Variants in BBC3 observed in about 807,000 individuals in gnomAD.
BBC3 encodes bcl-2-binding component 3.
In BBC3, 5 loss-of-function variants were observed where a neutral mutation model predicts 18.2. The ratio of observed to expected loss-of-function variants is 0.27; its 90% CI spans 0.14 to 0.58. BBC3 has a LOEUF of 0.58. Ranked by LOEUF, BBC3 falls within the 20% of genes least tolerant of loss-of-function variation. The probability of loss-of-function intolerance (pLI) is 0.91; values close to 1 mark genes in which losing one functional copy is unlikely to be tolerated. For synonymous variants in BBC3, 119 were observed against 128.0 expected (o/e 0.93, Z 0.47); for missense variants, 224 against 268.9 (o/e 0.83, Z 1.17).
At chr19:47,229,429 C>T (rs147217068) in intron 1 of BBC3, among the ~76,000 whole-genome samples, 10 of 151,860 alleles carry the variant, frequency 6.6e-5, no homozygotes, top group African/African-American at 2.4e-4. Context: ...CACCAACCCA[C>T]CCTCCTCACG....
Position 47,224,164 on chromosome 19 carries a change from A to G in BBC3, c.466-2246T>C, listed in dbSNP as rs376691855. On this transcript the variant is annotated intron_variant, in intron 3 of 3. Transcript: ENST00000439096. ...ACAAAAATTAGCTGGGCATGGTGGC[A>G]GGCATCTGTAATCTCAGCTACTTGG... Among the ~76,000 whole-genome samples the G allele has an allele frequency of 2.0e-5, 3 of 152,174 alleles. 1 individual carries two copies. Among genetic ancestry groups the G allele is most frequent in the South Asian group, 4.2e-4 (2 of 4,818 alleles).
Position 47,228,297 on chromosome 19 carries a change from A to T in BBC3, c.135T>A (p.Ala45=). 2 of 1,220,880 alleles carry T rather than the reference A, an allele frequency of 1.6e-6. No homozygotes were observed. The highest frequency in any genetic ancestry group is 2.0e-6 in the Non-Finnish European group (2 of 981,204). The allele number at this position is 1,220,880 out of a possible 1,614,324, so 75.6% of individuals were successfully genotyped here. A position where few individuals can be genotyped will look rare whatever the true frequency, so the allele number is the denominator to read the frequency against. The change falls in exon 2 of 4, where the codon GCT becomes GCA. Residue 45 remains alanine (A), a synonymous_variant. Transcript: ENST00000439096. This position sits in a 1 kb window ranked among gnomAD's most constrained non-coding sequence, Gnocchi z 5.5. ...VSCGLCEPGL[A]AAPAAPTLLP... is the part of the protein sequence containing the mutation. ...GCAGGGTGGGGGCGGCGGGGGCGGC[A>T]GCCAGGCCGGGCTCGCAGAGGCCGC... is the stretch of plus-strand genomic sequence containing the variant.
chr19:47,222,840 C>G (rs1240183044), intron 3 of BBC3, among the ~76,000 whole-genome samples: 1 of 151,776 alleles, frequency 6.6e-6, no homozygotes, highest in East Asian at 1.9e-4. Context: ...TGGCACATGT[C>G]TGTAATCCCA....
Position 47,221,632 on chromosome 19 carries a change from G to C in BBC3, c.*170C>G. ...TCCGCATCTCCGTCAGTGCACCCCAGGCTGGGCTGGGGCTGGAGTGGCTGC... is the reference window on the plus strand; with the variant it reads ...TCCGCATCTCCGTCAGTGCACCCCACGCTGGGCTGGGGCTGGAGTGGCTGC... On this transcript the variant is annotated 3_prime_UTR_variant, in exon 4 of 4. Transcript: ENST00000439096. 1 of 1,395,922 alleles carries C rather than the reference G, an allele frequency of 7.2e-7. No individual in the cohort carries two copies. The highest frequency in any genetic ancestry group is 2.5e-5 in the East Asian group (1 of 39,382). The allele number at this position is 1,395,922 out of a possible 1,614,324, so 86.5% of individuals were successfully genotyped here.
Position 47,228,997 on chromosome 19 carries a change from C to G in BBC3, c.-15-551G>C, listed in dbSNP as rs144561002. Among the ~76,000 whole-genome samples the G allele has an allele frequency of 6.6e-6, 1 of 152,136 alleles. No individual in the cohort carries two copies. The highest frequency in any genetic ancestry group is 1.9e-4 in the East Asian group (1 of 5,182). ...ACATCACTACTCAGTACACACAATACACACACACCCCCGACCAAAGCAGGA... is the reference window on the plus strand; with the variant it reads ...ACATCACTACTCAGTACACACAATAGACACACACCCCCGACCAAAGCAGGA... On this transcript the variant is annotated intron_variant, in intron 1 of 3. Coordinates refer to ENST00000439096, the MANE Select transcript of BBC3 (RefSeq NM_014417.5). The surrounding 1 kb of genome is among the most constrained non-coding windows in gnomAD (Gnocchi z 5.5).
At position 47,221,606 on chromosome 19, in the gene BBC3, G is replaced by A. The variant is rs1200156790; in HGVS notation, c.*196C>T. ...TGGCTTCTTGGCCAGGGACCCAGGA[G>A]TCCGCATCTCCGTCAGTGCACCCCA... On this transcript the variant is annotated 3_prime_UTR_variant, in exon 4 of 4. Coordinates refer to ENST00000439096, the MANE Select transcript of BBC3 (RefSeq NM_014417.5). 3 of 1,149,834 alleles carry A rather than the reference G, an allele frequency of 2.6e-6. No homozygotes were observed. The highest frequency in any genetic ancestry group is 3.6e-6 in the Non-Finnish European group (3 of 826,348). The allele number at this position is 1,149,834 out of a possible 1,614,324, so 71.2% of individuals were successfully genotyped here. A position where few individuals can be genotyped will look rare whatever the true frequency, so the allele number is the denominator to read the frequency against.
chr19:47,221,811 C>A lies in BBC3; in HGVS notation c.573G>T (p.Glu191Asp). Residue 191 changes from glutamate to aspartate, a missense_variant, in exon 4 of 4, where the codon GAG becomes GAT. By Grantham distance (45) the Glu-to-Asp change is conservative. Transcript: ENST00000439096. ...GGGCGGGTGCAGGCACCTAATTGGG[C>A]TCCATCTCGGGGGCTCTGTGGCCCC... ...LPRGHRAPEM[E>D]PN 1.2e-6 allele frequency: 2 copies of A among 1,613,208 alleles called. No individual in the cohort carries two copies. The highest frequency in any genetic ancestry group is 1.7e-6 in the Non-Finnish European group (2 of 1,179,666).
rs1011328410 is a variant in BBC3, at chr19:47,231,168, C to T, written c.-255G>A. The T allele has an allele frequency of 6.1e-6, 6 of 983,168 alleles. No homozygotes were observed. Among genetic ancestry groups the T allele is most frequent in the Non-Finnish European group, 7.2e-6 (6 of 829,620 alleles). 60.9% of individuals were successfully genotyped at this position (983,168 alleles called of 1,614,324 possible). ...TGGTGCCGCCGCCGCCGCCGCCAGG[C>T]GCCCGCTCGCATGTGGCTCGCGCCG... On this transcript the variant is annotated 5_prime_UTR_variant, in exon 1 of 4. Coordinates refer to ENST00000439096, the MANE Select transcript of BBC3 (RefSeq NM_014417.5). The surrounding 1 kb of genome is among the most constrained non-coding windows in gnomAD (Gnocchi z 4.0).
At chr19:47,226,789 C>T in intron 2 of BBC3, 35 bp from the exon 3 acceptor site, 1 of 1,370,328 alleles carries the variant, frequency 7.3e-7, no homozygotes, top group Non-Finnish European at 9.4e-7. Flanking sequence ...CAGCACCCAC[C>T]ACCCCTCCAG....
At position 47,221,671 on chromosome 19, in the gene BBC3, C is replaced by T. The variant is rs762694025; in HGVS notation, c.*131G>A. 4.4e-5 allele frequency: 67 copies of T among 1,528,358 alleles called. 1 individual carries two copies. Among genetic ancestry groups the T allele is most frequent in the South Asian group, 4.0e-4 (33 of 82,110 alleles). The allele number at this position is 1,528,358 out of a possible 1,614,324, so 94.7% of individuals were successfully genotyped here. ...TGGAGTGGCTGCCCCGGCCCGCCCC[C>T]GGGACAGGCAGGGCTGGGAGTCCAG... On this transcript the variant is annotated 3_prime_UTR_variant, in exon 4 of 4. Coordinates refer to ENST00000439096, the MANE Select transcript of BBC3 (RefSeq NM_014417.5).
At chr19:47,231,275 C>G, upstream of BBC3, 1 of 848,622 alleles carries the variant, frequency 1.2e-6, no homozygotes, top group Non-Finnish European at 1.4e-6. The surrounding 1 kb of genome is among the most constrained non-coding windows in gnomAD (Gnocchi z 4.0). Context: ...CGGCGGGTCC[C>G]ACGCCCCGCC....
chr19:47,227,000 A>G, intron 2 of BBC3: 1 of 382,076 alleles, frequency 2.6e-6, no homozygotes. Flanking sequence ...TGGAAGGTAG[A>G]CGGCCAGAGA....
chr19:47,223,184 T>C (rs1296218484), intron 3 of BBC3, among the ~76,000 whole-genome samples: 1 of 151,170 alleles, frequency 6.6e-6, no homozygotes. Flanking sequence ...GGCAGGAGAA[T>C]GGCGTGAACC....
chr19:47,229,013 C>G (rs1242930426), intron 1 of BBC3, among the ~76,000 whole-genome samples: 1 of 152,044 alleles, frequency 6.6e-6, no homozygotes, highest in African/African-American at 2.4e-5. Context: ...CACCCCCGAC[C>G]AAAGCAGGAG....
intron 3 of BBC3, 55 bp downstream of exon 3, chr19:47,226,509 G>C (rs1371077731): frequency 4.1e-6 from 6 of 1,461,150 alleles, no homozygotes; most frequent in Non-Finnish European, 5.5e-6. Flanking sequence ...GCCGCCTGCC[G>C]CCCCCTCCTC....
chr19:47,227,164 C>G (rs1350200547), intron 2 of BBC3: 1 of 158,884 alleles, frequency 6.3e-6, no homozygotes, highest in Non-Finnish European at 1.4e-5. Context: ...ACCCAGATCA[C>G]AAGCCTCAGG....
At chr19:47,226,306 C>A (rs947181482) in intron 3 of BBC3, among the ~76,000 whole-genome samples, 1 of 151,718 alleles carries the variant, frequency 6.6e-6, no homozygotes, top group Non-Finnish European at 1.5e-5. Context: ...GGGCGCGCAG[C>A]TCCACTCCTC....
At chr19:47,229,366 C>T (rs562038642) in intron 1 of BBC3, among the ~76,000 whole-genome samples, 28 of 152,030 alleles carry the variant, frequency 1.8e-4, no homozygotes, top group African/African-American at 6.5e-4. Context: ...TCAGGACACA[C>T]GTAGATCAGG....
In BBC3 at chr19:47,221,680, C is replaced by A. The variant is rs766332694; in HGVS notation, c.*122G>T. On this transcript the variant is annotated 3_prime_UTR_variant, in exon 4 of 4. Transcript: ENST00000439096. ...TGCCCCGGCCCGCCCCCGGGACAGG[C>A]AGGGCTGGGAGTCCAGTATGCTACA... The A allele has an allele frequency of 2.6e-6, 4 of 1,537,742 alleles. No individual in the cohort carries two copies. The Admixed American group carries it at 8.8e-5, about 34-fold the overall frequency.
Sources: gnomAD v4.1 joint callset for allele counts (sites outside exome capture counted in the v4.1 genomes callset) on GRCh38, gnomAD v4.1.1 for gene constraint, Gnocchi (gnomAD v3.1) non-coding constraint, MANE v1.5 for transcripts, NCBI Gene and HGNC (gene_info 2026-07-23, HGNC 2026-07-21) for gene names.